Variants in TRERF1 observed in about 807,000 individuals in gnomAD.
TRERF1 encodes the protein transcriptional-regulating factor 1.
TRERF1 carries 27 observed loss-of-function variants against 122.9 expected under a neutral mutation model. The ratio of observed to expected loss-of-function variants is 0.22; its 90% CI spans 0.16 to 0.30. The LOEUF (loss-of-function observed/expected upper bound fraction) is 0.30, where lower values mean the gene tolerates loss of function less well. Ranked by LOEUF, TRERF1 falls within the 10% of genes least tolerant of loss-of-function variation. The probability of loss-of-function intolerance (pLI) is 1.00; values close to 1 mark genes in which losing one functional copy is unlikely to be tolerated. For synonymous variants in TRERF1, 636 were observed against 641.7 expected (o/e 0.99, Z 0.13); for missense variants, 1,248 against 1,560.3 (o/e 0.80, Z 3.37).
intron 2 of TRERF1, among the ~76,000 whole-genome samples, chr6:42,402,158 A>G (rs1244077022): frequency 1.3e-5 from 2 of 152,164 alleles, no homozygotes; most frequent in African/African-American, 4.8e-5. Flanking sequence ...GGAATGAAGA[A>G]GTTAAGATGG....
chr6:42,322,096 C>T (rs1763553378), intron 3 of TRERF1, among the ~76,000 whole-genome samples: 1 of 152,106 alleles, frequency 6.6e-6, no homozygotes, highest in Admixed American at 6.5e-5. Context: ...CATTTTACTG[C>T]ACCGGGACTC....
intron 16 of TRERF1, among the ~76,000 whole-genome samples, chr6:42,235,611 G>T (rs1031949413): frequency 6.6e-6 from 1 of 152,136 alleles, no homozygotes; most frequent in Non-Finnish European, 1.5e-5. Flanking sequence ...CTGTTTATAT[G>T]ATTAATTTAC....
chr6:42,432,069 A>G (rs1241295800), intron 2 of TRERF1, among the ~76,000 whole-genome samples: 1 of 152,190 alleles, frequency 6.6e-6, no homozygotes, highest in Non-Finnish European at 1.5e-5. Context: ...TGACAACTGT[A>G]CCATGGGCAA....
At chr6:42,256,594 T>C (rs935911322) in intron 12 of TRERF1, 134 bp downstream of exon 12, 7 of 683,320 alleles carry the variant, frequency 1.0e-5, no homozygotes, top group Non-Finnish European at 1.5e-5. Context: ...AGAGAAGGAA[T>C]AGGGAGGCGT....
intron 4 of TRERF1, among the ~76,000 whole-genome samples, chr6:42,277,364 G>A (rs1265793437): frequency 6.6e-6 from 1 of 151,966 alleles, no homozygotes; most frequent in Admixed American, 6.5e-5. Flanking sequence ...CCCACCCTGT[G>A]AGGCCTGGGG....
intron 2 of TRERF1, among the ~76,000 whole-genome samples, chr6:42,376,475 A>G (rs1464834655): frequency 6.7e-6 from 1 of 148,630 alleles, no homozygotes; most frequent in Non-Finnish European, 1.5e-5. Context: ...CTGAATCAAC[A>G]CCCAGAAGGG....
At chr6:42,390,367 G>A (rs1278432815) in intron 2 of TRERF1, among the ~76,000 whole-genome samples, 1 of 152,056 alleles carries the variant, frequency 6.6e-6, no homozygotes, top group East Asian at 1.9e-4. Context: ...TCTCTCCACA[G>A]GCCTCATAAG....
At chr6:42,307,990 C>T (rs1166443901) in intron 3 of TRERF1, among the ~76,000 whole-genome samples, 1 of 152,232 alleles carries the variant, frequency 6.6e-6, no homozygotes, top group Non-Finnish European at 1.5e-5. Context: ...GAAGTGGAGA[C>T]ACTGGCACCC....
intron 3 of TRERF1, among the ~76,000 whole-genome samples, chr6:42,336,399 C>T (rs1056470714): frequency 2.0e-5 from 3 of 152,112 alleles, no homozygotes; most frequent in Non-Finnish European, 4.4e-5. Flanking sequence ...GAGCTCCTTG[C>T]TGCTCCACCT....
chr6:42,387,034 C>T (rs1045187847), intron 2 of TRERF1, among the ~76,000 whole-genome samples: 3 of 152,154 alleles, frequency 2.0e-5, no homozygotes, highest in African/African-American at 7.2e-5. Flanking sequence ...CAAATGTCCC[C>T]TGAAGGCAAA....
chr6:42,303,582 T>C (rs548201008), intron 3 of TRERF1, among the ~76,000 whole-genome samples: 1 of 152,228 alleles, frequency 6.6e-6, no homozygotes, highest in East Asian at 1.9e-4. Context: ...CCTCACACTG[T>C]GCTCCAATCA....
chr6:42,344,441 A>G (rs568161536), intron 3 of TRERF1, among the ~76,000 whole-genome samples: 2 of 152,186 alleles, frequency 1.3e-5, no homozygotes, highest in Non-Finnish European at 2.9e-5. Flanking sequence ...TGAGTTATTT[A>G]CCCAAAACCG....
chr6:42,382,653 G>A (rs1776135644), intron 2 of TRERF1, among the ~76,000 whole-genome samples: 1 of 152,102 alleles, frequency 6.6e-6, no homozygotes, highest in African/African-American at 2.4e-5. Flanking sequence ...ATAAAAGAGT[G>A]TCCAAAATGT....
chr6:42,307,231 A>G lies in TRERF1; in HGVS notation c.-370-6482T>C, dbSNP rs559958415. ...AATTTTGAGGAAATTCCAGAAGAAGAAAACAAAACCCTCATTGTTAAAGAG... is the reference window on the plus strand; with the variant it reads ...AATTTTGAGGAAATTCCAGAAGAAGGAAACAAAACCCTCATTGTTAAAGAG... On this transcript the variant is annotated intron_variant, in intron 3 of 17. Coordinates refer to ENST00000372922, the Ensembl canonical transcript of TRERF1. Among the ~76,000 whole-genome samples, 107 of 152,294 alleles carry G rather than the reference A, an allele frequency of 7.0e-4. 2 individuals carry two copies. In the South Asian group the frequency reaches 0.021, roughly 30 times the overall value.
chr6:42,430,742 A>G (rs1003705645), intron 2 of TRERF1, among the ~76,000 whole-genome samples: 1 of 152,132 alleles, frequency 6.6e-6, no homozygotes, highest in African/African-American at 2.4e-5. Context: ...ACTAAAATAC[A>G]AAAAATTAGC....
intron 3 of TRERF1, among the ~76,000 whole-genome samples, chr6:42,339,670 T>TTG: frequency 6.6e-6 from 1 of 152,350 alleles, no homozygotes; most frequent in Non-Finnish European, 1.5e-5. Context: ...TCATAGCAGG[T>TTG]ATCAAGCCTC....
At chr6:42,243,277 G>A (rs765757355) in exon 15 of TRERF1, 34 of 1,613,946 alleles carry the variant, frequency 2.1e-5, no homozygotes, top group East Asian at 1.1e-4. Context: ...TCTGCCAGGC[G>A]TGTCCGGTGT....
chr6:42,410,778 A>G (rs1379693520), intron 2 of TRERF1, among the ~76,000 whole-genome samples: 1 of 152,194 alleles, frequency 6.6e-6, no homozygotes, highest in Admixed American at 6.5e-5. Flanking sequence ...TGGCTACTGG[A>G]TGGTAGATGT....
intron 8 of TRERF1, among the ~76,000 whole-genome samples, chr6:42,260,138 T>G (rs1777566079): frequency 6.6e-6 from 1 of 151,920 alleles, no homozygotes; most frequent in Admixed American, 6.6e-5. Flanking sequence ...GACAGAATAA[T>G]CTCTTCAGGG....
Sources: allele counts gnomAD v4.1 joint callset (sites outside exome capture counted in the v4.1 genomes callset), GRCh38; gene constraint gnomAD v4.1.1; transcripts MANE v1.5; gene names NCBI Gene and HGNC (gene_info 2026-07-23, HGNC 2026-07-21).